ANK1: variants seen among roughly 807,000 people sequenced by gnomAD.
ANK1 encodes ankyrin-1.
Under a neutral mutation model 210.4 loss-of-function variants are expected in ANK1, and 51 were observed. The observed-to-expected ratio is 0.24, with a 90% confidence interval of 0.19 to 0.31. The LOEUF is 0.31. Ranked by LOEUF, ANK1 falls within the 10% of genes least tolerant of loss-of-function variation. The probability of loss-of-function intolerance (pLI) is 1.00; values close to 1 mark genes in which losing one functional copy is unlikely to be tolerated. For missense variants in ANK1, 2,051 were observed against 2,504.4 expected (o/e 0.82, Z 3.86); for synonymous variants, 967 against 1,025.9 (o/e 0.94, Z 1.10).
In ANK1 at chr8:41,815,862, A is replaced by G. The variant is rs11992847; in HGVS notation, c.127-57725T>C. ...ACAGGAAATATTTACTAACCCAAGT[A>G]TATTTTGTCTCTATAAAATTTAAGA... On this transcript the variant is annotated intron_variant, in intron 1 of 42. Transcript: ENST00000265709. 5.5e-3 allele frequency among the ~76,000 whole-genome samples: 842 copies of G among 152,280 alleles called. 8 individuals carry two copies. Among genetic ancestry groups the G allele is most frequent in the East Asian group, 0.025 (131 of 5,190 alleles).
Position 41,883,899 on chromosome 8 carries a change from T to A in ANK1, c.126+12456A>T, listed in dbSNP as rs568731300. On this transcript the variant is annotated intron_variant, in intron 1 of 42. Transcript: ENST00000265709. ...TGTTGTCGAGGGCAGGTTCTCTTCA[T>A]CCACAGCAGCACAGTTAATGTTCAT... Among the ~76,000 whole-genome samples, 15 of 152,294 alleles carry A rather than the reference T, an allele frequency of 9.8e-5. No individual in the cohort carries two copies. In the East Asian group the frequency reaches 2.9e-3, roughly 29 times the overall value.
chr8:41,772,007 G>C (rs963362994), intron 1 of ANK1, among the ~76,000 whole-genome samples: 1 of 152,144 alleles, frequency 6.6e-6, no homozygotes, highest in Non-Finnish European at 1.5e-5. Context: ...GAACAGGTCC[G>C]GGCTGCTTCA....
chr8:41,761,402 C>T (rs6990491), intron 1 of ANK1, among the ~76,000 whole-genome samples: 47,381 of 152,096 alleles, frequency 0.31, 7,604 homozygotes, highest in South Asian at 0.38. Flanking sequence ...TTCACACACA[C>T]GTATACACAC....
At chr8:41,696,618 C>T in intron 25 of ANK1, 31 bp from the exon 26 acceptor site, 1 of 1,612,434 alleles carries the variant, frequency 6.2e-7, no homozygotes, top group Non-Finnish European at 8.5e-7. Flanking sequence ...CGTTGGGCTT[C>T]TGCATCCCCT....
intron 1 of ANK1, among the ~76,000 whole-genome samples, chr8:41,791,747 A>G (rs1847775510): frequency 1.3e-5 from 2 of 152,204 alleles, no homozygotes; most frequent in African/African-American, 4.8e-5. Flanking sequence ...CCTTTCTTCC[A>G]AAATATTGCT....
At chr8:41,830,299 C>T (rs1806353954) in intron 1 of ANK1, among the ~76,000 whole-genome samples, 1 of 149,652 alleles carries the variant, frequency 6.7e-6, no homozygotes, top group African/African-American at 2.5e-5. Context: ...TAGAAATTCT[C>T]TGCAAAATAC....
At position 41,835,994 on chromosome 8, in the gene ANK1, C is replaced by T. The variant is rs186009791; in HGVS notation, c.126+60361G>A. On this transcript the variant is annotated intron_variant, in intron 1 of 42. Transcript: ENST00000265709. ...AGAGGCAGGGTAGCCGGAAGGACCA[C>T]GGCTCAGGTCTGATCTGCTGGTCTG... Among the ~76,000 whole-genome samples, 136 of 152,324 alleles carry T rather than the reference C, an allele frequency of 8.9e-4. 4 individuals are homozygous for T. In the East Asian group the frequency reaches 0.016, roughly 18 times the overall value.
chr8:41,696,769 G>A lies in ANK1; in HGVS notation c.2642C>T (p.Ser881Phe), dbSNP rs1425085196. The change falls in exon 25 of 43, where the codon TCT becomes TTT. Residue 881 changes from serine to phenylalanine, a missense_variant. Transcript: ENST00000289734. ...GAGGGAGTCCTCATCATACTCTTTAGATGCCTGAGGAGAGAGAAAGGGTCC... is the reference window on the plus strand; with the variant it reads ...GAGGGAGTCCTCATCATACTCTTTAAATGCCTGAGGAGAGAGAAAGGGTCC... The part of the protein sequence containing the change: ...VIRSEEQEQA[S>F]KEYDEDSLIP... The A allele has an allele frequency of 6.3e-7, 1 of 1,599,914 alleles. No homozygotes were observed. The highest frequency in any genetic ancestry group is 8.5e-7 in the Non-Finnish European group (1 of 1,179,762).
chr8:41,704,317 C>T lies in ANK1; in HGVS notation c.2196+57G>A. ...GCTCCCAGAGCAGCTCTGGCTTTAC[C>T]CTGATGTGGCATGGAGAAGGGTCAG... On this transcript the variant is annotated intron_variant, in intron 19 of 42. Coordinates refer to ENST00000289734, the MANE Select transcript of ANK1 (RefSeq NM_000037.4). This position sits in a 1 kb window ranked among gnomAD's most constrained non-coding sequence, Gnocchi z 4.1. 1.3e-6 allele frequency: 2 copies of T among 1,546,060 alleles called. No homozygotes were observed. The highest frequency in any genetic ancestry group is 2.2e-5 in the East Asian group (1 of 44,516).
chr8:41,815,740 G>T (rs972345248), intron 1 of ANK1, among the ~76,000 whole-genome samples: 1 of 152,114 alleles, frequency 6.6e-6, no homozygotes, highest in African/African-American at 2.4e-5. Flanking sequence ...AACCTAGGAA[G>T]CAAGCAATTT....
Position 41,655,609 on chromosome 8 carries a change from G to A in ANK1, c.*181C>T. The stretch of plus-strand genomic sequence containing the variant: ...CTACAGTCAGTCATTCATGCCAAGA[G>A]GGGACTAGCAGGAGTCCCTTACAGA... On this transcript the variant is annotated 3_prime_UTR_variant, in exon 43 of 43. Coordinates refer to ENST00000289734, the MANE Select transcript of ANK1 (RefSeq NM_000037.4). 1 of 1,234,556 alleles carries A rather than the reference G, an allele frequency of 8.1e-7. No individual in the cohort carries two copies. Among genetic ancestry groups the A allele is most frequent in the Non-Finnish European group, 1.2e-6 (1 of 846,710 alleles). 76.5% of individuals were successfully genotyped at this position (1,234,556 alleles called of 1,614,324 possible). A position where few individuals can be genotyped will look rare whatever the true frequency, so the allele number is the denominator to read the frequency against.
At chr8:41,794,666 A>G (rs1290459644) in intron 1 of ANK1, among the ~76,000 whole-genome samples, 3 of 152,192 alleles carry the variant, frequency 2.0e-5, no homozygotes, top group Non-Finnish European at 2.9e-5. Context: ...CCTAATACAC[A>G]ATAGGTGCTT....
chr8:41,688,953 C>G (rs1818462300), intron 33 of ANK1, among the ~76,000 whole-genome samples: 1 of 152,166 alleles, frequency 6.6e-6, no homozygotes, highest in East Asian at 1.9e-4. Flanking sequence ...CCAAGATCAC[C>G]CAGTTAATAT....
At chr8:41,780,066 C>T (rs2150745732) in intron 1 of ANK1, among the ~76,000 whole-genome samples, 1 of 152,310 alleles carries the variant, frequency 6.6e-6, no homozygotes, top group Admixed American at 6.5e-5. Flanking sequence ...TTGCATTTGC[C>T]AAGTGCCTAC....
chr8:41,891,370 G>A (rs546296853), intron 1 of ANK1, among the ~76,000 whole-genome samples: 3 of 152,234 alleles, frequency 2.0e-5, no homozygotes, highest in East Asian at 1.9e-4. Context: ...CAAAAGAAAC[G>A]GGGAGACACT....
Position 41,820,382 on chromosome 8 carries a change from G to A in ANK1, c.127-62245C>T, listed in dbSNP as rs774148978. Among the ~76,000 whole-genome samples the A allele has an allele frequency of 6.3e-4, 87 of 139,106 alleles. 1 individual carries two copies. The highest frequency in any genetic ancestry group is 1.2e-3 in the Non-Finnish European group (75 of 63,966). The allele number at this position is 139,106 out of a possible 152,430, so 91.3% of individuals were successfully genotyped here. A position where few individuals can be genotyped will look rare whatever the true frequency, so the allele number is the denominator to read the frequency against. On this transcript the variant is annotated intron_variant, in intron 1 of 42. Coordinates refer to the ANK1 transcript ENST00000265709. ...GTGTGTGTGTGTGTGTGTGTGTGTA[G>A]ACATGGTCTCCCTATGCTGCTTAGG...
At chr8:41,895,918 T>A (rs919598394) in intron 1 of ANK1, among the ~76,000 whole-genome samples, 2 of 148,576 alleles carry the variant, frequency 1.3e-5, no homozygotes, top group African/African-American at 5.1e-5. Context: ...CCCGGCCCGC[T>A]CCCCGGAGCC....
chr8:41,894,581 T>C (rs967003530), intron 1 of ANK1, among the ~76,000 whole-genome samples: 2 of 152,008 alleles, frequency 1.3e-5, no homozygotes, highest in Non-Finnish European at 2.9e-5. Flanking sequence ...TTGACTATTT[T>C]CAAAAAATGA....
chr8:41,753,774 G>GTC (rs1563670876), intron 2 of ANK1, among the ~76,000 whole-genome samples: 3 of 151,098 alleles, frequency 2.0e-5, no homozygotes, highest in Non-Finnish European at 4.4e-5. Flanking sequence ...TGTGACTCTC[G>GTC]CCCCTACCTG....
Sources: gnomAD v4.1 joint callset for allele counts (sites outside exome capture counted in the v4.1 genomes callset) on GRCh38, gnomAD v4.1.1 for gene constraint, Gnocchi (gnomAD v3.1) non-coding constraint, MANE v1.5 for transcripts, NCBI Gene and HGNC (gene_info 2026-07-23, HGNC 2026-07-21) for gene names.